PCDHGA2: variants seen among roughly 807,000 people sequenced by gnomAD.
PCDHGA2 encodes the protein protocadherin gamma subfamily A, 2.
A neutral mutation model predicts 59.2 loss-of-function variants in PCDHGA2; 40 were observed. The observed-to-expected ratio is 0.68, with a 90% CI of 0.52 to 0.88. PCDHGA2 has a LOEUF of 0.88. PCDHGA2 is among the 40% of genes least tolerant of loss of function. PCDHGA2 has a pLI of 0.00. For missense variants in PCDHGA2, 1,226 were observed against 1,204.0 expected, an observed-to-expected ratio of 1.02 and a Z score of -0.27; for synonymous variants, 560 against 526.0, an observed-to-expected ratio of 1.06 and a Z score of -0.89.
At chr5:141,384,048 C>T in intron 1 of PCDHGA2, 2 of 1,611,890 alleles carry the variant, frequency 1.2e-6, no homozygotes, top group Non-Finnish European at 1.7e-6. Context: ...GTGAGGTGAC[C>T]TGCACCATTC....
At chr5:141,478,498 G>T in intron 1 of PCDHGA2, 1 of 1,612,710 alleles carries the variant, frequency 6.2e-7, no homozygotes, top group South Asian at 1.1e-5. Context: ...GCTGTGATCC[G>T]GTGTTCTATA....
In PCDHGA2 at chr5:141,388,127, C is replaced by T. The variant is rs760517049; in HGVS notation, c.2424+46732C>T. 21 of 1,427,554 alleles carry T rather than the reference C, an allele frequency of 1.5e-5. No homozygotes were observed. The African/African-American group carries it at 2.9e-4, about 20-fold the overall frequency. The allele number at this position is 1,427,554 out of a possible 1,614,324, so 88.4% of individuals were successfully genotyped here. On this transcript the variant is annotated intron_variant, in intron 1 of 3. Coordinates refer to ENST00000394576, the MANE Select transcript of PCDHGA2 (RefSeq NM_018915.4). ...CTTACTTCACCGTGAGCGCAGAGAG[C>T]GGGGAGTTGCTTGTGAGCAGCAGGC...
At chr5:141,372,721 C>CA in intron 1 of PCDHGA2, 1 of 1,613,832 alleles carries the variant, frequency 6.2e-7, no homozygotes, top group Non-Finnish European at 8.5e-7. Flanking sequence ...GAAAATGCTG[C>CA]ACCACAAGAT....
chr5:141,494,449 G>A (rs185095384), intron 1 of PCDHGA2, among the ~76,000 whole-genome samples: 2 of 152,254 alleles, frequency 1.3e-5, no homozygotes, highest in East Asian at 3.9e-4. Flanking sequence ...CACTTTAGGG[G>A]GCTTTGTCTG....
In PCDHGA2 at chr5:141,408,093, G is replaced by C. The variant is rs533105778; in HGVS notation, c.2424+66698G>C. On this transcript the variant is annotated intron_variant, in intron 1 of 3. Transcript: ENST00000394576. ...CCTTTCCCAGCACAGCGGATTGCCA[G>C]CTCCGAGACCCGGGACTCCTCCTGT... The C allele has an allele frequency of 7.0e-6, 10 of 1,429,954 alleles. No homozygotes were observed. In the Admixed American group the frequency reaches 1.4e-4, roughly 20 times the overall value. 88.6% of individuals were successfully genotyped at this position (1,429,954 alleles called of 1,614,324 possible).
rs184608067 is a variant in PCDHGA2 at position 141,349,550 on chromosome 5, A to T, written c.2424+8155A>T. On this transcript the variant is annotated intron_variant, in intron 1 of 3. Transcript: ENST00000394576. ...TTATCTATATTTTATAAAGAAGAGA[A>T]ATAACATAATAGTAAGGCTGTGATT... is the stretch of plus-strand genomic sequence containing the variant. 9.3e-3 allele frequency among the ~76,000 whole-genome samples: 1,418 copies of T among 152,282 alleles called. 26 individuals are homozygous for T. The highest frequency in any genetic ancestry group is 0.032 in the African/African-American group (1,331 of 41,554).
At chr5:141,395,521 T>C in intron 1 of PCDHGA2, 1 of 388,366 alleles carries the variant, frequency 2.6e-6, no homozygotes, top group East Asian at 5.0e-5. Context: ...TACCCGTCCA[T>C]ACTGGTAATT....
intron 1 of PCDHGA2, chr5:141,415,388 G>T: frequency 6.2e-7 from 1 of 1,614,236 alleles, no homozygotes; most frequent in Non-Finnish European, 8.5e-7. Context: ...GGCTTGACAG[G>T]TGTGTCCGGC....
intron 2 of PCDHGA2, among the ~76,000 whole-genome samples, chr5:141,500,289 A>G (rs1440166636): frequency 6.6e-6 from 1 of 151,486 alleles, no homozygotes; most frequent in African/African-American, 2.4e-5. Flanking sequence ...GCTCACTGCA[A>G]GCTCCGCCTC....
intron 1 of PCDHGA2, chr5:141,367,157 T>G (rs2149904329): frequency 6.2e-6 from 1 of 161,546 alleles, no homozygotes; most frequent in East Asian, 1.8e-4. Flanking sequence ...GGACTGATAT[T>G]TTAGTCTACC....
chr5:141,393,900 G>C (rs1048161107), intron 1 of PCDHGA2: 1 of 1,613,906 alleles, frequency 6.2e-7, no homozygotes, highest in Non-Finnish European at 8.5e-7. Context: ...TTCTCTTCCC[G>C]GGACAGTAAT....
Position 141,438,625 on chromosome 5 carries a change from TATATATATATACAC to T in PCDHGA2, c.2425-56180_2425-56167del, listed in dbSNP as rs1291649000. Among the ~76,000 whole-genome samples, 88 of 46,398 alleles carry T rather than the reference TATATATATATACAC, an allele frequency of 1.9e-3. 1 individual carries two copies. The highest frequency in any genetic ancestry group is 8.6e-3 in the African/African-American group (72 of 8,380). 30.4% of individuals were successfully genotyped at this position (46,398 alleles called of 152,430 possible). A position where few individuals can be genotyped will look rare whatever the true frequency, so the allele number is the denominator to read the frequency against. ...ATATATATATATATATATATATATATATATATATATACACACACACACACACATATATGTATATA... is the reference window on the plus strand; with the variant it reads ...ATATATATATATATATATATATATATACACACACACACATATATGTATATA... On this transcript the variant is annotated intron_variant, in intron 1 of 3. Transcript: ENST00000394576.
chr5:141,470,794 C>T (rs1332287628), intron 1 of PCDHGA2, among the ~76,000 whole-genome samples: 1 of 152,162 alleles, frequency 6.6e-6, no homozygotes, highest in African/African-American at 2.4e-5. Flanking sequence ...CTCAAGCAAT[C>T]CTCCCACTTC....
chr5:141,413,760 C>G (rs778067298), intron 1 of PCDHGA2: 2 of 1,613,250 alleles, frequency 1.2e-6, no homozygotes, highest in African/African-American at 2.7e-5. Context: ...GCGTCAAGTA[C>G]CCGGAGCTGG....
At position 141,433,358 on chromosome 5, in the gene PCDHGA2, C is replaced by CTATCTAT. The variant is rs2097585632; in HGVS notation, c.2425-61449_2425-61448insTATCTAT. ...ACAGGTGCAAGCCACCTACTGTCTG[C>CTATCTAT]CTATCTATCTATCTATCTATCTATC... On this transcript the variant is annotated intron_variant, in intron 1 of 3. Coordinates refer to ENST00000394576, the MANE Select transcript of PCDHGA2 (RefSeq NM_018915.4). 11 of 503,932 alleles carry CTATCTAT rather than the reference C, an allele frequency of 2.2e-5. No individual in the cohort carries two copies. The African/African-American group carries it at 2.3e-4, about 10-fold the overall frequency. The allele number at this position is 503,932 out of a possible 1,614,324, so 31.2% of individuals were successfully genotyped here.
intron 1 of PCDHGA2, among the ~76,000 whole-genome samples, chr5:141,405,770 G>C (rs989163026): frequency 1.3e-5 from 2 of 152,032 alleles, no homozygotes; most frequent in East Asian, 3.9e-4. Context: ...GAGCCACTGC[G>C]CCTGGCCCTT....
intron 1 of PCDHGA2, among the ~76,000 whole-genome samples, chr5:141,488,854 A>G (rs923370040): frequency 1.3e-5 from 2 of 152,226 alleles, no homozygotes; most frequent in Admixed American, 1.3e-4. Context: ...AACCTGCAGC[A>G]CGAAGTGAGT....
chr5:141,395,131 C>A, intron 1 of PCDHGA2: 12 of 1,614,202 alleles, frequency 7.4e-6, no homozygotes, highest in Non-Finnish European at 1.0e-5. Context: ...TTTCCCCAGC[C>A]CAACTACGCA....
intron 3 of PCDHGA2, among the ~76,000 whole-genome samples, chr5:141,510,424 C>T (rs2154594619): frequency 6.6e-6 from 1 of 152,236 alleles, no homozygotes; most frequent in South Asian, 2.1e-4. Flanking sequence ...GCCATGGTTT[C>T]ATGGCTGCTG....
Sources: allele counts gnomAD v4.1 joint callset (sites outside exome capture counted in the v4.1 genomes callset), GRCh38; gene constraint gnomAD v4.1.1; transcripts MANE v1.5; gene names NCBI Gene and HGNC (gene_info 2026-07-23, HGNC 2026-07-21).